CLRN3: variants seen among roughly 807,000 people sequenced by gnomAD.
CLRN3 encodes the protein clarin-3.
Under a neutral mutation model 16.7 loss-of-function variants are expected in CLRN3, and 12 were observed. The observed-to-expected ratio is 0.72, with a 90% CI of 0.46 to 1.16. CLRN3 has a LOEUF of 1.16. CLRN3 is among the 50% of genes most tolerant of loss of function. CLRN3 has a pLI of 0.00. For synonymous variants in CLRN3, 118 were observed against 113.0 expected, an observed-to-expected ratio of 1.04 and a Z score of -0.28; for missense variants, 296 against 274.2, an observed-to-expected ratio of 1.08 and a Z score of -0.56.
In CLRN3 at chr10:127,883,735, G is replaced by A. The variant is rs781502326; in HGVS notation, c.370C>T (p.Leu124=). 2 of 1,613,952 alleles carry A rather than the reference G, an allele frequency of 1.2e-6. No individual in the cohort carries two copies. Among genetic ancestry groups the A allele is most frequent in the South Asian group, 1.1e-5 (1 of 91,060 alleles). The change falls in exon 2 of 3, where the codon CTG becomes TTG. Residue 124 remains leucine (L), a synonymous_variant. Coordinates refer to ENST00000368671, the MANE Select transcript of CLRN3 (RefSeq NM_152311.5). ...CAGGTGTACACCCCCGTCGGCCCCA[G>A]GAATGTCTGGTAAGGGTTGCTGATG... is the stretch of plus-strand genomic sequence containing the variant. ...NSISNPYQTF[L]GPTGVYTWNG...
intron 1 of CLRN3, among the ~76,000 whole-genome samples, chr10:127,884,539 G>A (rs1845169440): frequency 6.6e-6 from 1 of 152,268 alleles, no homozygotes; most frequent in Non-Finnish European, 1.5e-5. Flanking sequence ...GCTGGAGGCG[G>A]CTGGGAATTC....
At chr10:127,892,400 T>C (rs2135088417) in intron 1 of CLRN3, among the ~76,000 whole-genome samples, 156 bp downstream of exon 1, 1 of 152,322 alleles carries the variant, frequency 6.6e-6, no homozygotes, top group Middle Eastern at 3.4e-3. Context: ...AATAATGACA[T>C]GGCAAATTTC....
intron 1 of CLRN3, among the ~76,000 whole-genome samples, chr10:127,891,049 G>C (rs1845252463): frequency 6.6e-6 from 1 of 152,176 alleles, no homozygotes; most frequent in African/African-American, 2.4e-5. Context: ...ACTTAAAGTA[G>C]AGATCCAGCA....
At chr10:127,879,450 C>G (rs565336767) in intron 2 of CLRN3, among the ~76,000 whole-genome samples, 1 of 152,008 alleles carries the variant, frequency 6.6e-6, no homozygotes, top group African/African-American at 2.4e-5. Context: ...GTTAAAAGAA[C>G]GTAGTTCTGG....
Position 127,877,901 on chromosome 10 carries a change from G to A in CLRN3, c.*248C>T, listed in dbSNP as rs1030316513. ...ATCGTGAGACCAGGTCAGAAGGGTC[G>A]TTACGCTCATCATGATACTACTGCT... On this transcript the variant is annotated 3_prime_UTR_variant, in exon 3 of 3. Transcript: ENST00000368671. 10 of 488,494 alleles carry A rather than the reference G, an allele frequency of 2.0e-5. 1 individual carries two copies. The highest frequency in any genetic ancestry group is 2.2e-5 in the Non-Finnish European group (6 of 269,386). 30.3% of individuals were successfully genotyped at this position (488,494 alleles called of 1,614,324 possible). A position where few individuals can be genotyped will look rare whatever the true frequency, so the allele number is the denominator to read the frequency against.
At chr10:127,889,649 C>A (rs973156641) in intron 1 of CLRN3, among the ~76,000 whole-genome samples, 1 of 152,112 alleles carries the variant, frequency 6.6e-6, no homozygotes, top group Non-Finnish European at 1.5e-5. Flanking sequence ...ACAACAACAA[C>A]AAAACTATCA....
chr10:127,892,411 C>G, intron 1 of CLRN3, 145 bp downstream of exon 1: 1 of 615,606 alleles, frequency 1.6e-6, no homozygotes, highest in Non-Finnish European at 2.9e-6. Context: ...GGCAAATTTC[C>G]AAAATTATGA....
chr10:127,880,765 C>T (rs1031305456), intron 2 of CLRN3, among the ~76,000 whole-genome samples: 1 of 152,146 alleles, frequency 6.6e-6, no homozygotes. Flanking sequence ...AAACCCACTT[C>T]CTTCCCTACC....
chr10:127,878,694 G>A (rs1296386632), intron 2 of CLRN3, among the ~76,000 whole-genome samples: 3 of 152,210 alleles, frequency 2.0e-5, no homozygotes, highest in Admixed American at 6.5e-5. Context: ...ACCAAACAGC[G>A]CACTTCCTAG....
intron 1 of CLRN3, among the ~76,000 whole-genome samples, chr10:127,884,770 T>C (rs962673407): frequency 7.9e-5 from 12 of 152,202 alleles, no homozygotes; most frequent in Admixed American, 6.5e-4. Context: ...CCGGCTCTTT[T>C]GTGGAGGATG....
Position 127,892,919 on chromosome 10 carries a change from C to T in CLRN3, c.-135G>A, listed in dbSNP as rs908196130. 1.6e-6 allele frequency: 1 copy of T among 624,708 alleles called. No individual in the cohort carries two copies. The highest frequency in any genetic ancestry group is 2.8e-5 in the Admixed American group (1 of 36,000). The allele number at this position is 624,708 out of a possible 1,614,324, so 38.7% of individuals were successfully genotyped here. On this transcript the variant is annotated 5_prime_UTR_variant, in exon 1 of 3. Coordinates refer to ENST00000368671, the MANE Select transcript of CLRN3 (RefSeq NM_152311.5). ...TTGTCAAATATAAAATCTCACTCTT[C>T]CTGAGGAAGGGTTATGCTAATGGAC...
chr10:127,884,173 C>G, intron 1 of CLRN3, among the ~76,000 whole-genome samples: 2 of 152,230 alleles, frequency 1.3e-5, no homozygotes, highest in East Asian at 3.9e-4. Flanking sequence ...CAGGGCTGGA[C>G]AGCCTTCCCA....
At chr10:127,892,194 G>A (rs114801568) in intron 1 of CLRN3, among the ~76,000 whole-genome samples, 3,117 of 152,238 alleles carry the variant, frequency 0.02, 122 homozygotes, top group African/African-American at 0.072. Flanking sequence ...CTAGACAGAG[G>A]TTGTGGCTCC....
intron 2 of CLRN3, among the ~76,000 whole-genome samples, chr10:127,881,914 C>G (rs1044559678): frequency 6.6e-6 from 1 of 152,208 alleles, no homozygotes; most frequent in Admixed American, 6.5e-5. Flanking sequence ...CAGGCCGAGA[C>G]CTTGACTCGA....
intron 1 of CLRN3, among the ~76,000 whole-genome samples, chr10:127,884,660 G>C (rs1564778868): frequency 6.6e-6 from 1 of 152,222 alleles, no homozygotes; most frequent in African/African-American, 2.4e-5. Flanking sequence ...GGCATGGAAG[G>C]ACACTCTTAT....
At chr10:127,886,280 A>C (rs1042812571) in intron 1 of CLRN3, among the ~76,000 whole-genome samples, 2 of 152,122 alleles carry the variant, frequency 1.3e-5, no homozygotes, top group African/African-American at 4.8e-5. Context: ...TTTGTTCACT[A>C]TTGTTTTCTT....
chr10:127,886,956 G>A (rs182199809), intron 1 of CLRN3, among the ~76,000 whole-genome samples: 245 of 152,342 alleles, frequency 1.6e-3, no homozygotes, highest in Non-Finnish European at 2.7e-3. Context: ...GCAGGGACGG[G>A]TGGGGCCTGC....
intron 1 of CLRN3, among the ~76,000 whole-genome samples, chr10:127,886,554 G>T (rs1043197081): frequency 2.6e-5 from 4 of 152,232 alleles, no homozygotes; most frequent in Non-Finnish European, 5.9e-5. Flanking sequence ...GCAAGGGAGA[G>T]TGAGAAAGTG....
rs186478160 is a variant in CLRN3 at position 127,881,380 on chromosome 10, C to T, written c.409+2316G>A. Among the ~76,000 whole-genome samples, 525 of 152,326 alleles carry T rather than the reference C, an allele frequency of 3.4e-3. 13 individuals are homozygous for T. The highest frequency in any genetic ancestry group is 0.028 in the Admixed American group (433 of 15,314). On this transcript the variant is annotated intron_variant, in intron 2 of 2. Coordinates refer to ENST00000368671, the MANE Select transcript of CLRN3 (RefSeq NM_152311.5). The stretch of plus-strand genomic sequence containing the variant: ...ATATGCAAAGCCAGCCCATACTCTG[C>T]TGCGGAGGAGCAGAGATATGGAGCC...
Sources: gnomAD v4.1 joint callset for allele counts (sites outside exome capture counted in the v4.1 genomes callset) on GRCh38, gnomAD v4.1.1 for gene constraint, MANE v1.5 for transcripts, NCBI Gene and HGNC (gene_info 2026-07-23, HGNC 2026-07-21) for gene names.